The following ASTN2 variants were observed in gnomAD, a reference collection of about 807,000 sequenced individuals.
ASTN2 encodes astrotactin-2.
Under a neutral mutation model 139.8 loss-of-function variants are expected in ASTN2, and 54 were observed. The observed-to-expected ratio is 0.39, with a 90% confidence interval of 0.31 to 0.48. ASTN2 has a LOEUF of 0.48. ASTN2 is among the 20% of genes least tolerant of loss of function. The pLI is 0.95. For missense variants in ASTN2, 1,565 were observed against 1,725.1 expected (o/e 0.91, Z 1.64); for synonymous variants, 756 against 719.5 (o/e 1.05, Z -0.81).
intron 3 of ASTN2, among the ~76,000 whole-genome samples, chr9:117,182,236 A>G (rs1469562405): frequency 6.7e-6 from 1 of 148,362 alleles, no homozygotes; most frequent in Non-Finnish European, 1.5e-5. Flanking sequence ...TGCCTTCCAA[A>G]AAAAAAAAAA....
intron 4 of ASTN2, among the ~76,000 whole-genome samples, chr9:117,105,777 C>G (rs1246193810): frequency 1.3e-5 from 2 of 152,176 alleles, no homozygotes; most frequent in African/African-American, 4.8e-5. Context: ...TGTCCTGTTC[C>G]TGACATACGG....
intron 3 of ASTN2, among the ~76,000 whole-genome samples, chr9:117,200,282 T>C (rs932768009): frequency 2.7e-5 from 4 of 148,498 alleles, no homozygotes; most frequent in East Asian, 2.1e-4. Context: ...TGGGGTTTTC[T>C]AAATATAAAA....
At chr9:116,850,670 C>G (rs1832573320) in intron 11 of ASTN2, among the ~76,000 whole-genome samples, 1 of 152,070 alleles carries the variant, frequency 6.6e-6, no homozygotes, top group Non-Finnish European at 1.5e-5. Flanking sequence ...TTCTTTTTTT[C>G]TACCCCACCC....
intron 13 of ASTN2, among the ~76,000 whole-genome samples, chr9:116,735,697 C>T (rs1039848505): frequency 6.6e-6 from 1 of 152,228 alleles, no homozygotes; most frequent in Non-Finnish European, 1.5e-5. Context: ...TGCACAAGGT[C>T]TCTTCCCTAC....
chr9:116,771,424 T>C (rs1829950709), intron 13 of ASTN2, among the ~76,000 whole-genome samples: 1 of 152,160 alleles, frequency 6.6e-6, no homozygotes, highest in South Asian at 2.1e-4. Flanking sequence ...TAATCAATGG[T>C]AGTTATTCTT....
At chr9:117,256,075 T>C (rs1220416570) in intron 2 of ASTN2, among the ~76,000 whole-genome samples, 1 of 152,202 alleles carries the variant, frequency 6.6e-6, no homozygotes, top group Non-Finnish European at 1.5e-5. Flanking sequence ...TTCAATGCAT[T>C]TGAGGCTCAC....
At chr9:116,919,244 G>C (rs1263825035) in intron 10 of ASTN2, among the ~76,000 whole-genome samples, 1 of 152,188 alleles carries the variant, frequency 6.6e-6, no homozygotes, top group Non-Finnish European at 1.5e-5. Context: ...ATGTGGTAGG[G>C]ATGGAGGTGG....
intron 20 of ASTN2, among the ~76,000 whole-genome samples, chr9:116,456,559 T>C (rs1329494416): frequency 6.6e-6 from 1 of 152,178 alleles, no homozygotes; most frequent in East Asian, 1.9e-4. Context: ...GTTCCACATG[T>C]CTGGGGAGGT....
chr9:117,001,801 C>A (rs1204510328), intron 7 of ASTN2, among the ~76,000 whole-genome samples: 1 of 152,086 alleles, frequency 6.6e-6, no homozygotes, highest in Non-Finnish European at 1.5e-5. Flanking sequence ...TAATGCATTG[C>A]TCTTGATTTA....
intron 1 of ASTN2, among the ~76,000 whole-genome samples, chr9:117,336,167 T>C (rs1294534383): frequency 6.6e-6 from 1 of 151,592 alleles, no homozygotes; most frequent in Non-Finnish European, 1.5e-5. Context: ...TGCTGGGGAA[T>C]GGTAAGAGTT....
intron 10 of ASTN2, among the ~76,000 whole-genome samples, chr9:116,961,974 A>G (rs542805661): frequency 1.2e-4 from 18 of 152,228 alleles, no homozygotes; most frequent in Non-Finnish European, 1.8e-4. Context: ...CTACATTGCA[A>G]ATATGGAGAA....
rs1847540624 is a variant in ASTN2, at chr9:116,432,844, T to C, written c.3783-6756A>G. On this transcript the variant is annotated intron_variant, in intron 22 of 22. Transcript: ENST00000313400. ...ACTTGGGAGGCTGAGGCAGAAGAAT[T>C]GCTTGAACCTGGGAGGCAGTGGTTG... 2.0e-5 allele frequency among the ~76,000 whole-genome samples: 3 copies of C among 152,104 alleles called. No individual in the cohort carries two copies. The South Asian group carries it at 6.2e-4, about 32-fold the overall frequency.
At position 117,159,534 on chromosome 9, in the gene ASTN2, C is replaced by G. The variant is rs929129041; in HGVS notation, c.1016-18056G>C. On this transcript the variant is annotated intron_variant, in intron 3 of 22. Coordinates refer to ENST00000313400, the MANE Select transcript of ASTN2 (RefSeq NM_001365068.1). ...TTCTAGAAAGCAACCAGGAAGTGTG[C>G]TAAAGATTTTTGGGTATTGAAAAAA... 2.0e-5 allele frequency among the ~76,000 whole-genome samples: 3 copies of G among 151,912 alleles called. No individual in the cohort carries two copies. In the East Asian group the frequency reaches 5.8e-4, roughly 30 times the overall value.
chr9:116,884,215 G>T (rs2132375482), intron 10 of ASTN2, among the ~76,000 whole-genome samples: 1 of 152,196 alleles, frequency 6.6e-6, no homozygotes. Flanking sequence ...CTAAACTTGG[G>T]GACTTATGCT....
intron 13 of ASTN2, among the ~76,000 whole-genome samples, chr9:116,763,638 A>T (rs1454812141): frequency 6.6e-6 from 1 of 152,144 alleles, no homozygotes; most frequent in Non-Finnish European, 1.5e-5. Flanking sequence ...TAACTCCCAC[A>T]ATGATTGGCT....
chr9:116,429,647 T>A (rs1319737228), intron 22 of ASTN2, among the ~76,000 whole-genome samples: 1 of 152,212 alleles, frequency 6.6e-6, no homozygotes, highest in Non-Finnish European at 1.5e-5. Flanking sequence ...ATTGTCATCA[T>A]CATTATTACA....
chr9:116,782,021 C>T (rs1830232337), intron 13 of ASTN2, among the ~76,000 whole-genome samples: 1 of 152,150 alleles, frequency 6.6e-6, no homozygotes, highest in African/African-American at 2.4e-5. Context: ...CATACTCTTT[C>T]CAGAGCCCCA....
At chr9:117,278,485 G>C (rs556897201) in intron 2 of ASTN2, among the ~76,000 whole-genome samples, 17 of 152,270 alleles carry the variant, frequency 1.1e-4, no homozygotes, top group Admixed American at 3.3e-4. Context: ...GAGGTGAGCA[G>C]AGAAAAAGGT....
chr9:117,330,244 G>T (rs1828659065), intron 1 of ASTN2, among the ~76,000 whole-genome samples: 1 of 152,164 alleles, frequency 6.6e-6, no homozygotes, highest in Non-Finnish European at 1.5e-5. Context: ...CAATTCTCAG[G>T]CCTAACTCCT....
Sources: gnomAD v4.1 joint callset for allele counts (sites outside exome capture counted in the v4.1 genomes callset) on GRCh38, gnomAD v4.1.1 for gene constraint, MANE v1.5 for transcripts, NCBI Gene and HGNC (gene_info 2026-07-23, HGNC 2026-07-21) for gene names.